Variants in CHST3 observed in about 807,000 individuals in gnomAD.
CHST3 encodes carbohydrate sulfotransferase 3.
CHST3 carries 20 observed loss-of-function variants against 35.4 expected under a neutral mutation model. That is an observed-to-expected ratio of 0.57 (90% CI 0.40 to 0.82). The LOEUF is 0.82. Ranked by LOEUF, CHST3 falls within the 40% of genes least tolerant of loss-of-function variation. The probability of loss-of-function intolerance (pLI) is 0.00; values close to 1 mark genes in which losing one functional copy is unlikely to be tolerated. For synonymous variants in CHST3, 334 were observed against 295.9 expected (o/e 1.13, Z -1.32); for missense variants, 693 against 670.1 (o/e 1.03, Z -0.38).
chr10:71,981,551 C>A (rs374691995), intron 1 of CHST3, among the ~76,000 whole-genome samples: 2 of 152,228 alleles, frequency 1.3e-5, no homozygotes, highest in Admixed American at 6.5e-5. Context: ...CTCCAGCCCC[C>A]CCAGGCAGCC....
Position 72,001,077 on chromosome 10 carries a change from G to A in CHST3, c.-107-4659G>A, listed in dbSNP as rs558962889. Among the ~76,000 whole-genome samples, 14 of 152,276 alleles carry A rather than the reference G, an allele frequency of 9.2e-5. No individual in the cohort carries two copies. In the East Asian group the frequency reaches 2.5e-3, roughly 27 times the overall value. On this transcript the variant is annotated intron_variant, in intron 1 of 2. Coordinates refer to ENST00000373115, the MANE Select transcript of CHST3 (RefSeq NM_004273.5). ...CAGGTGAGAATGTGAGACAGAGGGA[G>A]GACAGTGATTTGAGAACTGTATCGT...
In CHST3 at chr10:71,998,237, C is replaced by T. The variant is rs1001008008; in HGVS notation, c.-107-7499C>T. On this transcript the variant is annotated intron_variant, in intron 1 of 2. Transcript: ENST00000373115. ...GTGATGGTGCCCCCTGCATGGCTTG[C>T]TTTCACTGTGCCAATGCACCACAGT... Among the ~76,000 whole-genome samples, 10 of 152,258 alleles carry T rather than the reference C, an allele frequency of 6.6e-5. No homozygotes were observed. In the South Asian group the frequency reaches 8.3e-4, roughly 13 times the overall value.
chr10:71,967,975 A>ATTTTTTTTTTTTTTTTTT lies in CHST3; in HGVS notation c.-108+3296_-108+3297insTTTTTTTTTTTTTTTTTT, dbSNP rs61420934. Among the ~76,000 whole-genome samples, 18 of 142,024 alleles carry ATTTTTTTTTTTTTTTTTT rather than the reference A, an allele frequency of 1.3e-4. 1 individual carries two copies. The highest frequency in any genetic ancestry group is 6.3e-4 in the East Asian group (3 of 4,762). 93.2% of individuals were successfully genotyped at this position (142,024 alleles called of 152,430 possible). A position where few individuals can be genotyped will look rare whatever the true frequency, so the allele number is the denominator to read the frequency against. ...AGGCGTGCACCACCATGCGTGGCTAATTTTTTTTTTTTTTTGTATTTTAGT... is the reference window on the plus strand; with the variant it reads ...AGGCGTGCACCACCATGCGTGGCTAATTTTTTTTTTTTTTTTTTTTTTTTTTTTTTTTTGTATTTTAGT... On this transcript the variant is annotated intron_variant, in intron 1 of 2. Transcript: ENST00000373115.
In CHST3 at chr10:72,008,701, C is replaced by T. The variant is rs1004503007; in HGVS notation, c.*230C>T. 3 of 848,950 alleles carry T rather than the reference C, an allele frequency of 3.5e-6. No individual in the cohort carries two copies. The highest frequency in any genetic ancestry group is 5.1e-6 in the Non-Finnish European group (3 of 591,596). 52.6% of individuals were successfully genotyped at this position (848,950 alleles called of 1,614,324 possible). Reference sequence around the variant, plus strand: ...CACACCCAGACCCAACGGGTTGCAGCCTCCTGAGCAGGCCTAGGCAGGCCC... The same window carrying T: ...CACACCCAGACCCAACGGGTTGCAGTCTCCTGAGCAGGCCTAGGCAGGCCC... On this transcript the variant is annotated 3_prime_UTR_variant, in exon 3 of 3. Coordinates refer to ENST00000373115, the MANE Select transcript of CHST3 (RefSeq NM_004273.5).
intron 1 of CHST3, among the ~76,000 whole-genome samples, chr10:71,995,730 A>G (rs920634835): frequency 6.6e-6 from 1 of 152,206 alleles, no homozygotes; most frequent in African/African-American, 2.4e-5. Context: ...GAACACAGAC[A>G]TTTATCGATT....
At chr10:71,988,948 A>T (rs1839873590) in intron 1 of CHST3, among the ~76,000 whole-genome samples, 1 of 152,166 alleles carries the variant, frequency 6.6e-6, no homozygotes, top group South Asian at 2.1e-4. Flanking sequence ...GGATCACTTG[A>T]GGTCAGGAAT....
rs753956495 is a variant in CHST3 at position 72,007,399 on chromosome 10, C to A, written c.368C>A (p.Pro123Gln). 6.2e-7 allele frequency: 1 copy of A among 1,605,476 alleles called. No individual in the cohort carries two copies. The highest frequency in any genetic ancestry group is 8.5e-7 in the Non-Finnish European group (1 of 1,177,880). ...GAAGAGCAGAGAAAGGAGGAGGAGC[C>A]GCCCAGACCGGCCGTGGCGGGGCCC... is the stretch of plus-strand genomic sequence containing the variant. ...EEEEQRKEEE[P>Q]PRPAVAGPRR... is the part of the protein sequence containing the mutation. The change falls in exon 3 of 3, where the codon CCG (proline) becomes CAG (glutamine). Residue 123 changes from proline to glutamine, a missense_variant. Pro to Gln is a moderately conservative substitution (Grantham distance 76, BLOSUM62 -1). Transcript: ENST00000373115.
chr10:71,980,175 C>T (rs534245218), intron 1 of CHST3, among the ~76,000 whole-genome samples: 2 of 152,286 alleles, frequency 1.3e-5, no homozygotes, highest in South Asian at 4.2e-4. Flanking sequence ...TAGACTAAAA[C>T]CTCAGACACA....
intron 1 of CHST3, among the ~76,000 whole-genome samples, chr10:72,001,459 GT>G (rs1393209098): frequency 6.7e-6 from 1 of 148,372 alleles, no homozygotes; most frequent in Non-Finnish European, 1.5e-5. Context: ...GGGATGAAAG[GT>G]TTTTTTGTTT....
Position 72,007,454 on chromosome 10 carries a change from G to T in CHST3, c.423G>T (p.Thr141=). Residue 141 remains threonine, a synonymous_variant, in exon 3 of 3, where the codon ACG becomes ACT. Coordinates refer to ENST00000373115, the MANE Select transcript of CHST3 (RefSeq NM_004273.5). ...PRRHVLLMAT[T]RTGSSFVGEF... is the part of the protein sequence containing the mutation. ...GCCACGTGCTGCTCATGGCCACCAC[G>T]CGCACCGGCTCCTCGTTCGTGGGCG... The T allele has an allele frequency of 6.2e-7, 1 of 1,603,234 alleles. No homozygotes were observed. The highest frequency in any genetic ancestry group is 8.5e-7 in the Non-Finnish European group (1 of 1,179,664).
At position 72,012,226 on chromosome 10, in the gene CHST3, G is replaced by A. The variant is rs1840118511; in HGVS notation, c.*3755G>A. ...TCCCTCCCATCTCTGCCATCTGTCT[G>A]TCTGGCAATGGAAGGAGCTTCAGCA... On this transcript the variant is annotated 3_prime_UTR_variant, in exon 3 of 3. Transcript: ENST00000373115. 1 of 152,220 alleles carries A rather than the reference G, an allele frequency of 6.6e-6. No individual in the cohort carries two copies. Among genetic ancestry groups the A allele is most frequent in the South Asian group, 2.1e-4 (1 of 4,826 alleles). 9.4% of individuals were successfully genotyped at this position (152,220 alleles called of 1,614,324 possible). A position where few individuals can be genotyped will look rare whatever the true frequency, so the allele number is the denominator to read the frequency against.
At chr10:71,993,008 G>C (rs770039060) in intron 1 of CHST3, among the ~76,000 whole-genome samples, 1 of 152,172 alleles carries the variant, frequency 6.6e-6, no homozygotes, top group Non-Finnish European at 1.5e-5. Context: ...CGCAGGCCAC[G>C]TGCAGCTCAG....
intron 1 of CHST3, among the ~76,000 whole-genome samples, chr10:71,992,107 A>G (rs4747230): frequency 0.35 from 53,240 of 152,104 alleles, 11,020 homozygotes; most frequent in Non-Finnish European, 0.48. Context: ...TCTTGCCTCA[A>G]TGTTGATGGC....
rs189883325 is a variant in CHST3, at chr10:72,000,126, G to A, written c.-107-5610G>A. ...TCATGCTCACAGCCACTCATGTATGGAGCAATTGCCTTTTTTTCTTCCTCT... is the reference window on the plus strand; with the variant it reads ...TCATGCTCACAGCCACTCATGTATGAAGCAATTGCCTTTTTTTCTTCCTCT... On this transcript the variant is annotated intron_variant, in intron 1 of 2. Coordinates refer to ENST00000373115, the MANE Select transcript of CHST3 (RefSeq NM_004273.5). Among the ~76,000 whole-genome samples the A allele has an allele frequency of 1.3e-5, 2 of 152,170 alleles. 1 individual carries two copies. The highest frequency in any genetic ancestry group is 1.3e-4 in the Admixed American group (2 of 15,282).
intron 1 of CHST3, among the ~76,000 whole-genome samples, chr10:71,987,736 CAG>C (rs1348479402): frequency 3.9e-5 from 4 of 102,808 alleles, no homozygotes; most frequent in Non-Finnish European, 8.1e-5. Context: ...AAAAAAAAGA[CAG>C]AGGAAATAGA....
chr10:72,003,396 C>T (rs1840011010), intron 1 of CHST3, among the ~76,000 whole-genome samples: 1 of 152,126 alleles, frequency 6.6e-6, no homozygotes, highest in African/African-American at 2.4e-5. Flanking sequence ...AGGACTATTC[C>T]AGTTAGGAAT....
chr10:72,006,919 G>A (rs1840044265), intron 2 of CHST3, among the ~76,000 whole-genome samples: 2 of 152,150 alleles, frequency 1.3e-5, no homozygotes, highest in South Asian at 2.1e-4. Flanking sequence ...CTAAGCCTCC[G>A]ATGCCCACAC....
intron 1 of CHST3, among the ~76,000 whole-genome samples, chr10:71,990,955 G>T (rs938510933): frequency 6.6e-6 from 1 of 152,176 alleles, no homozygotes; most frequent in African/African-American, 2.4e-5. Flanking sequence ...CACAGCAAAG[G>T]CTTGTTTTTT....
chr10:71,965,265 G>A (rs1412393076), intron 1 of CHST3, among the ~76,000 whole-genome samples: 1 of 152,212 alleles, frequency 6.6e-6, no homozygotes, highest in Non-Finnish European at 1.5e-5. Context: ...GTGTGAGTGT[G>A]CGAAGCCCTT....
Sources: gnomAD v4.1 joint callset for allele counts (sites outside exome capture counted in the v4.1 genomes callset) on GRCh38, gnomAD v4.1.1 for gene constraint, MANE v1.5 for transcripts, NCBI Gene and HGNC (gene_info 2026-07-23, HGNC 2026-07-21) for gene names.